The following PRKG1 variants were observed in gnomAD, a reference collection of about 807,000 sequenced individuals.
The protein encoded by PRKG1 is cGMP-dependent protein kinase 1.
Under a neutral mutation model 88.1 loss-of-function variants are expected in PRKG1, and 35 were observed. The ratio of observed to expected loss-of-function variants is 0.40; its 90% CI spans 0.30 to 0.53. The LOEUF is 0.53. Ranked by LOEUF, PRKG1 falls within the 20% of genes least tolerant of loss-of-function variation. The pLI is 0.59. For missense variants in PRKG1, 540 were observed against 839.8 expected, an observed-to-expected ratio of 0.64 and a Z score of 4.41; for synonymous variants, 303 against 292.5, an observed-to-expected ratio of 1.04 and a Z score of -0.37.
chr10:51,854,869 C>T (rs1279564457), intron 4 of PRKG1, among the ~76,000 whole-genome samples: 1 of 152,004 alleles, frequency 6.6e-6, no homozygotes, highest in South Asian at 2.1e-4. Context: ...AATATATATA[C>T]TGAGTGAAGG....
chr10:51,590,637 C>A (rs1252357335), intron 3 of PRKG1, among the ~76,000 whole-genome samples: 1 of 152,146 alleles, frequency 6.6e-6, no homozygotes, highest in African/African-American at 2.4e-5. Flanking sequence ...TTAGTAAAAT[C>A]AATTCTCCCC....
chr10:51,032,827 T>G (rs1169596077), intron 1 of PRKG1, among the ~76,000 whole-genome samples: 1 of 152,186 alleles, frequency 6.6e-6, no homozygotes, highest in East Asian at 1.9e-4. Context: ...CTAAGCTTTC[T>G]TATTGAAATT....
chr10:51,804,823 T>C, intron 4 of PRKG1, 133 bp downstream of exon 4: 1 of 616,070 alleles, frequency 1.6e-6, no homozygotes, highest in Non-Finnish European at 2.8e-6. Context: ...TGTGTAGAGA[T>C]GTAAGACTTC....
chr10:51,427,728 G>A (rs1838631121), intron 2 of PRKG1, among the ~76,000 whole-genome samples: 1 of 152,184 alleles, frequency 6.6e-6, no homozygotes, highest in African/African-American at 2.4e-5. Context: ...CCTACAAGAA[G>A]CTCCAGCTTC....
At chr10:52,033,838 A>G (rs1037745739) in intron 5 of PRKG1, among the ~76,000 whole-genome samples, 10 of 151,920 alleles carry the variant, frequency 6.6e-5, no homozygotes, top group East Asian at 3.9e-4. Context: ...GTGCAGGCGG[A>G]CTGAGTCCGA....
intron 2 of PRKG1, among the ~76,000 whole-genome samples, chr10:51,325,562 T>C (rs1216378776): frequency 5.9e-5 from 9 of 152,318 alleles, no homozygotes; most frequent in African/African-American, 1.2e-4. Context: ...TTCGATACTG[T>C]AGGTTTTCTC....
rs141512483 is a variant in PRKG1, at chr10:52,127,034, G to A, written c.936-6806G>A. Among the ~76,000 whole-genome samples, 152 of 152,216 alleles carry A rather than the reference G, an allele frequency of 1.0e-3. 1 individual carries two copies. Among genetic ancestry groups the A allele is most frequent in the African/African-American group, 3.5e-3 (145 of 41,540 alleles). On this transcript the variant is annotated intron_variant, in intron 7 of 17. Coordinates refer to ENST00000373980, the MANE Select transcript of PRKG1 (RefSeq NM_006258.4). ...ATTAGAAGGGGGAGAGAGTAGAGGC[G>A]AGGGGATCACTTAGGAGGCCAGATC...
At chr10:51,951,561 A>G (rs764517188) in intron 5 of PRKG1, among the ~76,000 whole-genome samples, 1 of 152,170 alleles carries the variant, frequency 6.6e-6, no homozygotes, top group Non-Finnish European at 1.5e-5. Flanking sequence ...TTCACTTATG[A>G]GTTTATTTTT....
chr10:51,264,547 T>C (rs954229595), intron 2 of PRKG1, among the ~76,000 whole-genome samples: 1 of 152,328 alleles, frequency 6.6e-6, no homozygotes, highest in Admixed American at 6.5e-5. Context: ...CTGTGGCAAA[T>C]GGGCTACACA....
chr10:51,294,442 G>C (rs1323989273), intron 2 of PRKG1, among the ~76,000 whole-genome samples: 1 of 151,858 alleles, frequency 6.6e-6, no homozygotes, highest in Non-Finnish European at 1.5e-5. Flanking sequence ...TGGACATACT[G>C]TTTTCCCAAC....
At chr10:52,078,358 A>G (rs1904028) in intron 7 of PRKG1, among the ~76,000 whole-genome samples, 26,121 of 152,200 alleles carry the variant, frequency 0.17, 2,840 homozygotes, top group South Asian at 0.28. Context: ...TATGGGGGAA[A>G]GATAAATGTA....
Position 51,541,872 on chromosome 10 carries a change from C to T in PRKG1, c.592+74036C>T, listed in dbSNP as rs115586076. ...TTAAAATCTTTTTAAAATAATGTGC[C>T]TTATAAATGTAAAATGTAAGATAGA... On this transcript the variant is annotated intron_variant, in intron 3 of 17. Transcript: ENST00000373980. 8.0e-3 allele frequency among the ~76,000 whole-genome samples: 1,212 copies of T among 152,080 alleles called. 15 individuals are homozygous for T. Among genetic ancestry groups the T allele is most frequent in the African/African-American group, 0.028 (1,143 of 41,490 alleles).
At chr10:51,143,724 C>A (rs1845876578) in intron 1 of PRKG1, among the ~76,000 whole-genome samples, 1 of 152,004 alleles carries the variant, frequency 6.6e-6, no homozygotes, top group African/African-American at 2.4e-5. Flanking sequence ...AGATGCGTGA[C>A]ACTGAGCATT....
At chr10:51,254,110 A>G (rs1321133871) in intron 2 of PRKG1, among the ~76,000 whole-genome samples, 2 of 151,892 alleles carry the variant, frequency 1.3e-5, no homozygotes, top group Admixed American at 1.3e-4. Flanking sequence ...CACACACACT[A>G]TATTCAAGAT....
intron 1 of PRKG1, among the ~76,000 whole-genome samples, chr10:51,088,907 G>A (rs1299269284): frequency 1.4e-5 from 2 of 146,070 alleles, no homozygotes; most frequent in African/African-American, 2.6e-5. Context: ...TTTAAACATT[G>A]GAAACCTATG....
chr10:51,563,346 T>A (rs1032687089), intron 3 of PRKG1, among the ~76,000 whole-genome samples: 3 of 152,148 alleles, frequency 2.0e-5, no homozygotes, highest in Non-Finnish European at 4.4e-5. Flanking sequence ...AGATATTGAA[T>A]ATGCTATTTA....
At position 51,788,189 on chromosome 10, in the gene PRKG1, T is replaced by C. The variant is rs1838776889; in HGVS notation, c.593-16396T>C. Among the ~76,000 whole-genome samples, 5 of 152,174 alleles carry C rather than the reference T, an allele frequency of 3.3e-5. No individual in the cohort carries two copies. In the South Asian group the frequency reaches 8.3e-4, roughly 25 times the overall value. ...AGTGATCCTTTTGTAAAATACAGAT[T>C]CCACTGTGTCTTTCACCTGTGTAAA... On this transcript the variant is annotated intron_variant, in intron 3 of 17. Transcript: ENST00000373980.
intron 1 of PRKG1, among the ~76,000 whole-genome samples, chr10:51,019,330 C>T (rs143617144): frequency 5.5e-4 from 84 of 151,948 alleles, no homozygotes; most frequent in African/African-American, 1.9e-3. Flanking sequence ...TTAGGGAGGC[C>T]GGAAATAAAT....
intron 3 of PRKG1, among the ~76,000 whole-genome samples, chr10:51,617,992 A>G (rs1278206411): frequency 6.6e-6 from 1 of 152,222 alleles, no homozygotes; most frequent in East Asian, 1.9e-4. Context: ...TGATACGCTA[A>G]GGTTTTCTAC....
Sources: gnomAD v4.1 joint callset for allele counts (sites outside exome capture counted in the v4.1 genomes callset) on GRCh38, gnomAD v4.1.1 for gene constraint, MANE v1.5 for transcripts, NCBI Gene and HGNC (gene_info 2026-07-23, HGNC 2026-07-21) for gene names.